ADAMTS2: variants seen among roughly 807,000 people sequenced by gnomAD.
ADAMTS2 encodes the protein ADAM metallopeptidase with thrombospondin type 1 motif 2, also known as A disintegrin and metalloproteinase with thrombospondin motifs 2.
ADAMTS2 carries 50 observed loss-of-function variants against 123.0 expected under a neutral mutation model. The ratio of observed to expected loss-of-function variants is 0.41; its 90% CI spans 0.32 to 0.51. ADAMTS2 has a LOEUF of 0.51. Ranked by LOEUF, ADAMTS2 falls within the 20% of genes least tolerant of loss-of-function variation. The pLI is 0.35. For synonymous variants in ADAMTS2, 678 were observed against 695.4 expected, an observed-to-expected ratio of 0.98 and a Z score of 0.39; for missense variants, 1,494 against 1,705.2, an observed-to-expected ratio of 0.88 and a Z score of 2.18.
At chr5:179,253,374 T>C (rs1765970961) in intron 3 of ADAMTS2, among the ~76,000 whole-genome samples, 1 of 152,144 alleles carries the variant, frequency 6.6e-6, no homozygotes, top group Non-Finnish European at 1.5e-5. Flanking sequence ...CCGGGCGCAG[T>C]GGCTCAGGCC....
intron 3 of ADAMTS2, among the ~76,000 whole-genome samples, chr5:179,259,781 G>A (rs1766167274): frequency 6.6e-6 from 1 of 152,238 alleles, no homozygotes. Context: ...GGGCCTGGAA[G>A]GAAGGGAGCC....
chr5:179,240,035 G>A (rs111955949), intron 3 of ADAMTS2, among the ~76,000 whole-genome samples: 2 of 152,170 alleles, frequency 1.3e-5, no homozygotes, highest in Admixed American at 1.3e-4. Context: ...CGAAGATGGC[G>A]TCTCCACCTA....
intron 3 of ADAMTS2, among the ~76,000 whole-genome samples, chr5:179,236,018 C>A (rs1450091255): frequency 6.6e-6 from 1 of 152,232 alleles, no homozygotes; most frequent in Non-Finnish European, 1.5e-5. Context: ...CCTCCCATCC[C>A]AGCCCTGAAA....
At chr5:179,274,538 AC>A (rs34652287) in intron 2 of ADAMTS2, among the ~76,000 whole-genome samples, 6 of 150,368 alleles carry the variant, frequency 4.0e-5, no homozygotes, top group East Asian at 3.9e-4. Context: ...CGGAAACCAC[AC>A]CCCCCCCAAA....
In ADAMTS2 at chr5:179,242,202, A is replaced by G. The variant is rs550190536; in HGVS notation, c.688+30709T>C. On this transcript the variant is annotated intron_variant, in intron 3 of 21. Coordinates refer to ENST00000251582, the MANE Select transcript of ADAMTS2 (RefSeq NM_014244.5). This position sits in a 1 kb window ranked among gnomAD's most constrained non-coding sequence, Gnocchi z 4.2. ...TCTGAGAAGGAAGTCTCTGCAGAAG[A>G]GAGCCAAGTCCTAGGAGGAGGAGAG... is the stretch of plus-strand genomic sequence containing the variant. Among the ~76,000 whole-genome samples the G allele has an allele frequency of 3.9e-5, 6 of 152,322 alleles. No homozygotes were observed. The East Asian group carries it at 7.7e-4, about 20-fold the overall frequency.
intron 4 of ADAMTS2, among the ~76,000 whole-genome samples, chr5:179,201,289 G>A (rs150251478): frequency 1.7e-3 from 261 of 152,302 alleles, no homozygotes; most frequent in African/African-American, 5.9e-3. Context: ...CTCTATGAAC[G>A]TGATACAGTT....
chr5:179,320,314 T>G (rs554185670), intron 2 of ADAMTS2, among the ~76,000 whole-genome samples: 92 of 151,884 alleles, frequency 6.1e-4, no homozygotes, highest in African/African-American at 1.0e-3. Context: ...TCCATTTTTT[T>G]GGGTTTTTTT....
intron 4 of ADAMTS2, among the ~76,000 whole-genome samples, chr5:179,195,466 C>T (rs978764798): frequency 4.6e-5 from 7 of 152,200 alleles, no homozygotes. Flanking sequence ...CAATCTGTGG[C>T]CCACATTGAA....
chr5:179,325,420 G>A (rs1053635683), intron 2 of ADAMTS2, among the ~76,000 whole-genome samples: 8 of 152,182 alleles, frequency 5.3e-5, no homozygotes, highest in Non-Finnish European at 8.8e-5. Flanking sequence ...AGAAGGCAAT[G>A]GGGACCCATA....
intron 3 of ADAMTS2, among the ~76,000 whole-genome samples, chr5:179,265,319 C>T (rs1001038660): frequency 1.3e-5 from 2 of 152,198 alleles, no homozygotes; most frequent in Non-Finnish European, 2.9e-5. Context: ...GAAACCATGT[C>T]GGGAGGGGAG....
At chr5:179,208,368 C>T (rs1442996183) in intron 3 of ADAMTS2, among the ~76,000 whole-genome samples, 1 of 152,222 alleles carries the variant, frequency 6.6e-6, no homozygotes, top group Non-Finnish European at 1.5e-5. Flanking sequence ...CATCTCTGGG[C>T]CAGGTCCCGG....
chr5:179,241,425 G>A lies in ADAMTS2; in HGVS notation c.688+31486C>T, dbSNP rs117110562. Among the ~76,000 whole-genome samples, 399 of 152,314 alleles carry A rather than the reference G, an allele frequency of 2.6e-3. 6 individuals carry two copies. In the East Asian group the frequency reaches 0.051, roughly 19 times the overall value. On this transcript the variant is annotated intron_variant, in intron 3 of 21. Transcript: ENST00000251582. The stretch of plus-strand genomic sequence containing the variant: ...GAGGAGACAGCAGATCAACCCAGCC[G>A]GGCTTCCACGTCCAGCAAAACGAGG...
intron 8 of ADAMTS2, 148 bp from the exon 9 acceptor site, chr5:179,153,771 G>T (rs769275615): frequency 7.7e-6 from 10 of 1,302,482 alleles, no homozygotes; most frequent in Non-Finnish European, 1.0e-5. Context: ...TTTCCCTGCT[G>T]CATCTCTTGT....
chr5:179,142,530 G>T (rs1303205631), intron 10 of ADAMTS2, among the ~76,000 whole-genome samples: 1 of 152,184 alleles, frequency 6.6e-6, no homozygotes, highest in Non-Finnish European at 1.5e-5. Flanking sequence ...AAACAATACA[G>T]CAATCAATCG....
intron 21 of ADAMTS2, 73 bp downstream of exon 21, chr5:179,121,588 G>A (rs911572875): frequency 4.9e-5 from 62 of 1,277,184 alleles, no homozygotes; most frequent in Non-Finnish European, 6.3e-5. Flanking sequence ...GAGGAGGGGG[G>A]CCCAAGGCAA....
intron 3 of ADAMTS2, among the ~76,000 whole-genome samples, chr5:179,253,848 G>A (rs1211597265): frequency 6.6e-6 from 1 of 152,102 alleles, no homozygotes; most frequent in Non-Finnish European, 1.5e-5. Flanking sequence ...CTCCAAATCT[G>A]ATCATCGGCT....
intron 5 of ADAMTS2, among the ~76,000 whole-genome samples, chr5:179,167,249 G>T (rs550080326): frequency 5.1e-4 from 77 of 152,152 alleles, no homozygotes; most frequent in African/African-American, 1.8e-3. Flanking sequence ...CGCGGGGCGG[G>T]CAGAGGAAGG....
chr5:179,152,874 C>T (rs970126578), intron 9 of ADAMTS2, among the ~76,000 whole-genome samples: 3 of 152,172 alleles, frequency 2.0e-5, no homozygotes, highest in African/African-American at 4.8e-5. Flanking sequence ...ACCACTTGCT[C>T]GCTTTGTGGG....
At chr5:179,336,424 C>T (rs1322168927) in intron 2 of ADAMTS2, among the ~76,000 whole-genome samples, 3 of 152,240 alleles carry the variant, frequency 2.0e-5, no homozygotes, top group Admixed American at 2.0e-4. Flanking sequence ...TTCCCGGGAG[C>T]CGTGACAAGC....
Sources: allele counts gnomAD v4.1 joint callset (sites outside exome capture counted in the v4.1 genomes callset), GRCh38; gene constraint gnomAD v4.1.1; non-coding constraint Gnocchi (gnomAD v3.1); transcripts MANE v1.5; gene names NCBI Gene and HGNC (gene_info 2026-07-23, HGNC 2026-07-21).